Variants in ZNF518B observed in about 807,000 individuals in gnomAD.
The protein encoded by ZNF518B is zinc finger protein 518B.
In ZNF518B, 23 loss-of-function variants were observed where a neutral mutation model predicts 56.3. That is an observed-to-expected ratio of 0.41 (90% CI 0.29 to 0.58). The LOEUF is 0.58. Ranked by LOEUF, ZNF518B falls within the 20% of genes least tolerant of loss-of-function variation. ZNF518B has a pLI of 0.32. For missense variants in ZNF518B, 1,460 were observed against 1,272.1 expected, an observed-to-expected ratio of 1.15 and a Z score of -2.25; for synonymous variants, 529 against 465.9, an observed-to-expected ratio of 1.14 and a Z score of -1.74.
Position 10,440,896 on chromosome 4 carries a change from A to ACTCCT in ZNF518B, c.*2203_*2207dup, listed in dbSNP as rs751983520. The ACTCCT allele has an allele frequency of 1.3e-5, 2 of 152,284 alleles. No individual in the cohort carries two copies. The highest frequency in any genetic ancestry group is 2.9e-5 in the Non-Finnish European group (2 of 67,998). 9.4% of individuals were successfully genotyped at this position (152,284 alleles called of 1,614,324 possible). ...AAAAAAAAACCACAGCCTTTTCTTC[A>ACTCCT]CTCCTCTCCTCTCTATATCTTGGGA... On this transcript the variant is annotated 3_prime_UTR_variant, in exon 3 of 3. Coordinates refer to ENST00000326756, the MANE Select transcript of ZNF518B (RefSeq NM_053042.3).
At position 10,445,084 on chromosome 4, in the gene ZNF518B, G is replaced by C. The variant is rs147530501; in HGVS notation, c.1245C>G (p.Leu415=). The change falls in exon 3 of 3, where the codon CTC becomes CTG. Residue 415 remains leucine (L), a synonymous_variant. Transcript: ENST00000326756. ...SLTVDGNVGK[L]VGIDSFQPSV... ...AAGGTTGAAAACTATCAATGCCTAC[G>C]AGTTTTCCAACATTCCCGTCAACTG... The C allele has an allele frequency of 8.7e-6, 14 of 1,614,036 alleles. No individual in the cohort carries two copies. In the African/African-American group the frequency reaches 1.7e-4, roughly 20 times the overall value.
chr4:10,446,171 G>A lies in ZNF518B; in HGVS notation c.158C>T (p.Ala53Val). The change falls in exon 3 of 3, where the codon GCC (alanine) becomes GTC (valine). Residue 53 changes from alanine to valine, a missense_variant. Physicochemically the swap from Ala to Val is moderately conservative, Grantham distance 64 (BLOSUM62 0). Transcript: ENST00000326756. The stretch of plus-strand genomic sequence containing the variant: ...TGCACATGTAGCAATGGTCATCATG[G>A]CAGCCTCTGCCTCTGAGCCTTGATA... The part of the protein sequence containing the change: ...LLYQGSEAEA[A>V]MMTIATCAKC... 1.2e-6 allele frequency: 2 copies of A among 1,614,154 alleles called. No homozygotes were observed. Among genetic ancestry groups the A allele is most frequent in the Non-Finnish European group, 1.7e-6 (2 of 1,180,032 alleles).
intron 2 of ZNF518B, among the ~76,000 whole-genome samples, chr4:10,449,026 C>G (rs1331351336): frequency 6.6e-6 from 1 of 152,186 alleles, no homozygotes; most frequent in African/African-American, 2.4e-5. Context: ...TCCTCGAAAT[C>G]ACACACTTTA....
At position 10,445,888 on chromosome 4, in the gene ZNF518B, C is replaced by G. The variant is rs746820646; in HGVS notation, c.441G>C (p.Pro147=). The G allele has an allele frequency of 5.6e-6, 9 of 1,614,162 alleles. No homozygotes were observed. The highest frequency in any genetic ancestry group is 2.2e-5 in the South Asian group (2 of 91,084). ...GAAGGGTGTGCTTTTTGTACTGCAG[C>G]GGGTCCTTTGTAGAGAATCGACATT... ...CDKCRFSTKD[P]LQYKKHTLQH... Residue 147 remains proline, a synonymous_variant, in exon 3 of 3, where the codon CCG becomes CCC. Transcript: ENST00000326756.
At chr4:10,458,263 G>T (rs972727894), upstream of ZNF518B, among the ~76,000 whole-genome samples, 1 of 152,144 alleles carries the variant, frequency 6.6e-6, no homozygotes, top group African/African-American at 2.4e-5. Flanking sequence ...GCAGGGGCAG[G>T]TTGAGGCATG....
chr4:10,448,702 C>A (rs1715173637), intron 2 of ZNF518B, among the ~76,000 whole-genome samples: 1 of 152,130 alleles, frequency 6.6e-6, no homozygotes, highest in South Asian at 2.1e-4. Flanking sequence ...CAAACACATA[C>A]CTGTGTAAGG....
chr4:10,446,448 G>A lies in ZNF518B; in HGVS notation c.-120C>T. 1.1e-6 allele frequency: 1 copy of A among 907,346 alleles called. No homozygotes were observed. The allele number at this position is 907,346 out of a possible 1,614,324, so 56.2% of individuals were successfully genotyped here. On this transcript the variant is annotated 5_prime_UTR_variant, in exon 3 of 3. Coordinates refer to ENST00000326756, the MANE Select transcript of ZNF518B (RefSeq NM_053042.3). The stretch of plus-strand genomic sequence containing the variant: ...GTAGGGGCGCAGCTACTTCTTGGGT[G>A]CATACTTAATTATCTTTCTTTATAT...
chr4:10,442,184 G>C lies in ZNF518B; in HGVS notation c.*920C>G, dbSNP rs577420035. On this transcript the variant is annotated 3_prime_UTR_variant, in exon 3 of 3. Transcript: ENST00000326756. ...GGATGAATCCCAAATGAAAACTAAA[G>C]GGCATATGAAACCCTTTTCACAACT... is the stretch of plus-strand genomic sequence containing the variant. The C allele has an allele frequency of 1.5e-4, 23 of 152,264 alleles. No homozygotes were observed. The highest frequency in any genetic ancestry group is 5.1e-4 in the African/African-American group (21 of 41,552). 9.4% of individuals were successfully genotyped at this position (152,264 alleles called of 1,614,324 possible). A position where few individuals can be genotyped will look rare whatever the true frequency, so the allele number is the denominator to read the frequency against.
intron 2 of ZNF518B, among the ~76,000 whole-genome samples, chr4:10,450,648 G>T (rs1715263963): frequency 6.6e-6 from 1 of 152,124 alleles, no homozygotes; most frequent in Non-Finnish European, 1.5e-5. Context: ...GAGTCCTCTT[G>T]GCAAGTTATG....
Position 10,444,698 on chromosome 4 carries a change from C to T in ZNF518B, c.1631G>A (p.Gly544Asp). ...PATCSFSGEK[G>D]LLPVSENDLE... ...GTCATTTTCACTTACAGGCAATAAG[C>T]CCTTTTCTCCAGAGAAGGAACAGGT... Residue 544 changes from glycine to aspartate, a missense_variant, in exon 3 of 3, where the codon GGC (glycine) becomes GAC (aspartate). By Grantham distance (94) the Gly-to-Asp change is moderately conservative. Coordinates refer to ENST00000326756, the MANE Select transcript of ZNF518B (RefSeq NM_053042.3). 6.2e-7 allele frequency: 1 copy of T among 1,614,120 alleles called. No homozygotes were observed. The highest frequency in any genetic ancestry group is 8.5e-7 in the Non-Finnish European group (1 of 1,180,008).
At position 10,445,889 on chromosome 4, in the gene ZNF518B, G is replaced by A. The variant is rs376656317; in HGVS notation, c.440C>T (p.Pro147Leu). 8.7e-6 allele frequency: 14 copies of A among 1,614,018 alleles called. No homozygotes were observed. Among genetic ancestry groups the A allele is most frequent in the African/African-American group, 2.7e-5 (2 of 74,898 alleles). The change falls in exon 3 of 3, where the codon CCG (proline) becomes CTG (leucine). Residue 147 changes from proline (P) to leucine (L), a missense_variant. By Grantham distance (98) the Pro-to-Leu change is moderately conservative. Transcript: ENST00000326756. ...AAGGGTGTGCTTTTTGTACTGCAGC[G>A]GGTCCTTTGTAGAGAATCGACATTT... is the stretch of plus-strand genomic sequence containing the variant. ...CDKCRFSTKD[P>L]LQYKKHTLQH...
At chr4:10,455,527 A>G (rs1715490419) in intron 1 of ZNF518B, among the ~76,000 whole-genome samples, 1 of 152,230 alleles carries the variant, frequency 6.6e-6, no homozygotes. Flanking sequence ...AGAGACAAAA[A>G]TAAAATGTTC....
rs1253699876 is a variant in ZNF518B, at chr4:10,443,849, C to T, written c.2480G>A (p.Arg827Lys). 2 of 1,614,100 alleles carry T rather than the reference C, an allele frequency of 1.2e-6. No individual in the cohort carries two copies. The highest frequency in any genetic ancestry group is 1.7e-5 in the Admixed American group (1 of 60,010). The change falls in exon 3 of 3, where the codon AGA becomes AAA. Residue 827 changes from arginine to lysine, a missense_variant. Transcript: ENST00000326756. ...CATATCTATTGGCCCCCTTTCACTT[C>T]TTAAAGGCTGTAAGTCTGAGTCCGC... ...RQADSDLQPLRSERGPIDMSP... is the reference protein window; with the variant it reads ...RQADSDLQPLKSERGPIDMSP...
At chr4:10,446,603 T>C (rs1715066312) in intron 2 of ZNF518B, 64 bp from the exon 3 acceptor site, 1 of 342,730 alleles carries the variant, frequency 2.9e-6, no homozygotes, top group Non-Finnish European at 5.5e-6. Context: ...ATTAACAAAC[T>C]TATCCTATAT....
At position 10,443,873 on chromosome 4, in the gene ZNF518B, G is replaced by T; in HGVS notation, c.2456C>A (p.Ala819Glu). The T allele has an allele frequency of 6.2e-7, 1 of 1,614,160 alleles. No individual in the cohort carries two copies. The change falls in exon 3 of 3, where the codon GCG becomes GAG. Residue 819 changes from alanine (A) to glutamate (E), a missense_variant. Transcript: ENST00000326756. ...KPVPFCPVRQADSDLQPLRSE... is the reference protein window; with the variant it reads ...KPVPFCPVRQEDSDLQPLRSE... ...TCTTAAAGGCTGTAAGTCTGAGTCC[G>T]CCTGTCTCACAGGGCAAAATGGAAC...
rs1448507828 is a variant in ZNF518B at position 10,443,613 on chromosome 4, C to T, written c.2716G>A (p.Glu906Lys). Residue 906 changes from glutamate to lysine, a missense_variant, in exon 3 of 3, where the codon GAA becomes AAA. Transcript: ENST00000326756. Reference sequence around the variant, plus strand: ...GGATCCTTGAGACAGCGGCTAGGTTCAGCTTGAATTTTGTTTTTCTTCCTG... The same window carrying T: ...GGATCCTTGAGACAGCGGCTAGGTTTAGCTTGAATTTTGTTTTTCTTCCTG... Reference protein sequence around the residue: ...LSRKKNKIQAEPSRCLKDPSI... With the variant: ...LSRKKNKIQAKPSRCLKDPSI... 1.9e-6 allele frequency: 3 copies of T among 1,614,008 alleles called. No homozygotes were observed. Among genetic ancestry groups the T allele is most frequent in the Non-Finnish European group, 2.5e-6 (3 of 1,180,018 alleles).
Position 10,440,102 on chromosome 4 carries a change from A to G in ZNF518B, c.*3002T>C, listed in dbSNP as rs1259226065. 2 of 152,550 alleles carry G rather than the reference A, an allele frequency of 1.3e-5. No homozygotes were observed. The highest frequency in any genetic ancestry group is 2.4e-5 in the African/African-American group (1 of 41,452). 9.4% of individuals were successfully genotyped at this position (152,550 alleles called of 1,614,324 possible). A position where few individuals can be genotyped will look rare whatever the true frequency, so the allele number is the denominator to read the frequency against. On this transcript the variant is annotated 3_prime_UTR_variant, in exon 3 of 3. Coordinates refer to ENST00000326756, the MANE Select transcript of ZNF518B (RefSeq NM_053042.3). ...AAAGGCCGAGCAACATCACATCTTCAACTTCTGAGATGGATTATATATAAC... is the reference window on the plus strand; with the variant it reads ...AAAGGCCGAGCAACATCACATCTTCGACTTCTGAGATGGATTATATATAAC...
rs1577218435 is a variant in ZNF518B, at chr4:10,442,306, T to C, written c.*798A>G. The C allele has an allele frequency of 6.6e-6, 1 of 152,228 alleles. No individual in the cohort carries two copies. The highest frequency in any genetic ancestry group is 2.4e-5 in the African/African-American group (1 of 41,466). The allele number at this position is 152,228 out of a possible 1,614,324, so 9.4% of individuals were successfully genotyped here. ...TGGTCACTTATGTTTCTGGGAGTGG[T>C]AAGGGCAAAGAGAAAATAGTTTTAG... On this transcript the variant is annotated 3_prime_UTR_variant, in exon 3 of 3. Coordinates refer to ENST00000326756, the MANE Select transcript of ZNF518B (RefSeq NM_053042.3).
chr4:10,461,131 G>A (rs764588313), upstream of ZNF518B, among the ~76,000 whole-genome samples: 2 of 152,270 alleles, frequency 1.3e-5, no homozygotes, highest in African/African-American at 4.8e-5. Context: ...CCTTCCAGCT[G>A]TGTGGCCTTG....
Sources: gnomAD v4.1 joint callset for allele counts (sites outside exome capture counted in the v4.1 genomes callset) on GRCh38, gnomAD v4.1.1 for gene constraint, MANE v1.5 for transcripts, NCBI Gene and HGNC (gene_info 2026-07-23, HGNC 2026-07-21) for gene names.